The following FBN2 variants were observed in gnomAD, a reference collection of about 807,000 sequenced individuals.
FBN2 encodes the protein fibrillin 2, also known as fibrillin-2.
A neutral mutation model predicts 355.6 loss-of-function variants in FBN2; 105 were observed. That is an observed-to-expected ratio of 0.30 (90% CI 0.25 to 0.35). The LOEUF (loss-of-function observed/expected upper bound fraction) is 0.35, where lower values mean the gene tolerates loss of function less well. Among genes scored for constraint, FBN2 ranks in the 10% least tolerant of loss-of-function variants. The pLI, the probability that FBN2 is intolerant of heterozygous loss-of-function variation, is 1.00. For synonymous variants in FBN2, 1,350 were observed against 1,301.2 expected, an observed-to-expected ratio of 1.04 and a Z score of -0.81; for missense variants, 3,280 against 3,758.7, an observed-to-expected ratio of 0.87 and a Z score of 3.33.
At position 128,258,466 on chromosome 5, in the gene FBN2, G is replaced by C. The variant is rs576714702; in HGVS notation, c.*989C>G. ...ACATATGGCAATCCTGAAATAACTT[G>C]AACATAATAAATGCACCATTATTTA... On this transcript the variant is annotated 3_prime_UTR_variant, in exon 65 of 65. Coordinates refer to ENST00000262464, the MANE Select transcript of FBN2 (RefSeq NM_001999.4). 1 of 152,482 alleles carries C rather than the reference G, an allele frequency of 6.6e-6. No individual in the cohort carries two copies. The highest frequency in any genetic ancestry group is 1.5e-5 in the Non-Finnish European group (1 of 68,028). The allele number at this position is 152,482 out of a possible 1,614,324, so 9.4% of individuals were successfully genotyped here.
intron 6 of FBN2, among the ~76,000 whole-genome samples, chr5:128,458,587 A>T (rs1166851140): frequency 6.6e-6 from 1 of 151,968 alleles, no homozygotes; most frequent in African/African-American, 2.4e-5. Context: ...AAGAACTGAA[A>T]TCATAACAGT....
At chr5:128,402,761 G>A (rs115983695) in intron 8 of FBN2, among the ~76,000 whole-genome samples, 8 of 152,294 alleles carry the variant, frequency 5.3e-5, no homozygotes, top group East Asian at 3.9e-4. Context: ...TGTCTCCTGA[G>A]ACTGGATGCC....
Position 128,446,503 on chromosome 5 carries a change from A to T in FBN2, c.930T>A (p.Ser310Arg). 1.2e-6 allele frequency: 2 copies of T among 1,613,928 alleles called. No homozygotes were observed. The highest frequency in any genetic ancestry group is 1.7e-6 in the Non-Finnish European group (2 of 1,179,886). Residue 310 changes from serine to arginine, a missense_variant, in exon 7 of 65, where the codon AGT becomes AGA. Ser to Arg is a moderately radical substitution (Grantham distance 110). Transcript: ENST00000262464. ...CACCTTCACATTTCTGAGTAGTTTCACTCTGTTTGTGACCAGCAGGGCATC... is the reference window on the plus strand; with the variant it reads ...CACCTTCACATTTCTGAGTAGTTTCTCTCTGTTTGTGACCAGCAGGGCATC... Reference protein sequence around the residue: ...ECRCPAGHKQSETTQKCEDID... With the variant: ...ECRCPAGHKQRETTQKCEDID...
chr5:128,476,548 A>G (rs1755009372), intron 5 of FBN2, among the ~76,000 whole-genome samples: 1 of 152,168 alleles, frequency 6.6e-6, no homozygotes, highest in South Asian at 2.1e-4. Flanking sequence ...AGAGTATTAT[A>G]AGGATTAAAA....
At chr5:128,364,828 C>G in intron 17 of FBN2, 103 bp from the exon 18 acceptor site, 1 of 983,940 alleles carries the variant, frequency 1.0e-6, no homozygotes, top group Admixed American at 2.0e-5. Context: ...GTGTTTAACT[C>G]TGCAAACTCA....
chr5:128,268,952 G>C (rs751899593), intron 62 of FBN2, among the ~76,000 whole-genome samples: 3 of 152,074 alleles, frequency 2.0e-5, no homozygotes, highest in Non-Finnish European at 4.4e-5. Flanking sequence ...CATTCCCTTT[G>C]AAAACTGGTA....
At chr5:128,385,798 G>C (rs1385221762) in intron 11 of FBN2, among the ~76,000 whole-genome samples, 1 of 152,024 alleles carries the variant, frequency 6.6e-6, no homozygotes, top group Non-Finnish European at 1.5e-5. Context: ...AGGTGGTGCT[G>C]AGCATTTTTT....
intron 34 of FBN2, among the ~76,000 whole-genome samples, chr5:128,326,448 G>C (rs1447746725): frequency 6.6e-6 from 1 of 152,142 alleles, no homozygotes. Context: ...GGCTCCTCCA[G>C]GTTTTATATT....
chr5:128,286,633 C>T, intron 55 of FBN2, 85 bp downstream of exon 55: 2 of 1,501,136 alleles, frequency 1.3e-6, no homozygotes, highest in Non-Finnish European at 1.9e-6. Context: ...AGTTGGCTTG[C>T]AGTTAAGATG....
Position 128,311,351 on chromosome 5 carries a change from A to G in FBN2, c.5023T>C (p.Cys1675Arg). Residue 1675 changes from cysteine to arginine, a missense_variant, in exon 39 of 65, where the codon TGT becomes CGT. Cys to Arg is a radical substitution (Grantham distance 180). This residue lies in a region of FBN2 where 2,284 missense variants were observed against 2,749.5 expected (regional missense o/e 0.83). Transcript: ENST00000262464. The part of the protein sequence containing the change: ...NCINTFGSFQ[C>R]ECPQGYYLSE... Reference sequence around the variant, plus strand: ...AGGTAGTAGCCTTGTGGGCACTCACACTGGAAGCTCCCAAAAGTGTTGATG... The same window carrying G: ...AGGTAGTAGCCTTGTGGGCACTCACGCTGGAAGCTCCCAAAAGTGTTGATG... The G allele has an allele frequency of 6.2e-7, 1 of 1,614,110 alleles. No homozygotes were observed. Among genetic ancestry groups the G allele is most frequent in the Non-Finnish European group, 8.5e-7 (1 of 1,179,982 alleles).
chr5:128,519,630 T>C (rs1756376566), intron 4 of FBN2, among the ~76,000 whole-genome samples: 1 of 152,088 alleles, frequency 6.6e-6, no homozygotes, highest in Admixed American at 6.6e-5. Context: ...TTTTTGTTTT[T>C]TTTTTAATCA....
At chr5:128,341,134 T>C (rs1751009184) in intron 25 of FBN2, among the ~76,000 whole-genome samples, 1 of 152,192 alleles carries the variant, frequency 6.6e-6, no homozygotes, top group Non-Finnish European at 1.5e-5. Flanking sequence ...CCAACAATTT[T>C]CCACAGAACT....
At chr5:128,328,045 G>A (rs1750601889) in intron 34 of FBN2, 1 of 155,650 alleles carries the variant, frequency 6.4e-6, no homozygotes, top group East Asian at 1.9e-4. Context: ...TTTTCATATA[G>A]TCCCTATTCA....
intron 6 of FBN2, among the ~76,000 whole-genome samples, chr5:128,448,290 C>G (rs568249359): frequency 5.3e-5 from 8 of 151,992 alleles, no homozygotes; most frequent in Admixed American, 5.2e-4. Flanking sequence ...ATATTACTAT[C>G]CAATATCCTA....
chr5:128,301,247 T>C, intron 47 of FBN2, 135 bp downstream of exon 47: 1 of 888,416 alleles, frequency 1.1e-6, no homozygotes, highest in Non-Finnish European at 1.8e-6. Context: ...AAATTTTCCA[T>C]CATAGCTTAT....
chr5:128,460,663 C>T (rs1390500993), intron 6 of FBN2, among the ~76,000 whole-genome samples: 2 of 152,072 alleles, frequency 1.3e-5, no homozygotes, highest in African/African-American at 4.8e-5. Context: ...AACAAACATA[C>T]AGACCAATGG....
Position 128,305,586 on chromosome 5 carries a change from A to G in FBN2, c.5599T>C (p.Cys1867Arg). The G allele has an allele frequency of 6.2e-7, 1 of 1,614,046 alleles. No individual in the cohort carries two copies. The highest frequency in any genetic ancestry group is 8.5e-7 in the Non-Finnish European group (1 of 1,179,924). The change falls in exon 44 of 65, where the codon TGC (cysteine) becomes CGC (arginine). Residue 1867 changes from cysteine to arginine, a missense_variant. Coordinates refer to ENST00000262464, the MANE Select transcript of FBN2 (RefSeq NM_001999.4). ...GDNLCQRNAD[C>R]INSPGSYRCE... The stretch of plus-strand genomic sequence containing the variant: ...CGGTAACTACCAGGACTATTGATGC[A>G]GTCTGCATTCCGCTGGCAGAGATTA...
Position 128,305,504 on chromosome 5 carries a change from T to C in FBN2, c.5674+7A>G, listed in dbSNP as rs367877964. ...AGTGCCAAAGAATGAGTCAGCCTCT[T>C]TCTTACCTACACAGGCCCCATTGGG... On this transcript the variant is annotated splice_region_variant and intron_variant, in intron 44 of 64. Transcript: ENST00000262464. 1,317 of 1,613,878 alleles carry C rather than the reference T, an allele frequency of 8.2e-4. 4 individuals carry two copies. Among genetic ancestry groups the C allele is most frequent in the Non-Finnish European group, 1.1e-3 (1,261 of 1,179,932 alleles).
At chr5:128,508,611 A>C (rs569020955) in intron 5 of FBN2, among the ~76,000 whole-genome samples, 1 of 152,102 alleles carries the variant, frequency 6.6e-6, no homozygotes, top group African/African-American at 2.4e-5. Flanking sequence ...TTGTTTCCTA[A>C]AAAGATTTAA....
Sources: gnomAD v4.1 joint callset for allele counts (sites outside exome capture counted in the v4.1 genomes callset) on GRCh38, gnomAD v4.1.1 for gene constraint, gnomAD v4.1.1 regional missense constraint, MANE v1.5 for transcripts, NCBI Gene and HGNC (gene_info 2026-07-23, HGNC 2026-07-21) for gene names.